The following SPTLC2 variants were observed in gnomAD, a reference collection of about 807,000 sequenced individuals.
The protein encoded by SPTLC2 is serine palmitoyltransferase 2.
In SPTLC2, 21 loss-of-function variants were observed where a neutral mutation model predicts 62.0. That is an observed-to-expected ratio of 0.34 (90% CI 0.24 to 0.49). The LOEUF (loss-of-function observed/expected upper bound fraction) is 0.49. Ranked by LOEUF, SPTLC2 falls within the 20% of genes least tolerant of loss-of-function variation. The probability of loss-of-function intolerance (pLI) is 0.99; values close to 1 mark genes in which losing one functional copy is unlikely to be tolerated. For synonymous variants in SPTLC2, 261 were observed against 261.8 expected (o/e 1.00, Z 0.03); for missense variants, 511 against 713.0 (o/e 0.72, Z 3.23).
intron 9 of SPTLC2, among the ~76,000 whole-genome samples, chr14:77,542,929 T>A (rs1290566687): frequency 6.6e-6 from 1 of 152,172 alleles, no homozygotes; most frequent in Non-Finnish European, 1.5e-5. Context: ...AAAGAATGGT[T>A]GCTAATGCAC....
At chr14:77,549,671 A>C (rs967200704) in intron 9 of SPTLC2, among the ~76,000 whole-genome samples, 1 of 152,226 alleles carries the variant, frequency 6.6e-6, no homozygotes. Flanking sequence ...GACCTGTGGC[A>C]TCTGTGAGCA....
intron 9 of SPTLC2, among the ~76,000 whole-genome samples, chr14:77,538,519 A>G (rs2079482518): frequency 6.6e-6 from 1 of 152,232 alleles, no homozygotes; most frequent in Non-Finnish European, 1.5e-5. Context: ...GAGAGAACTA[A>G]TAATTTCACC....
intron 3 of SPTLC2, among the ~76,000 whole-genome samples, chr14:77,577,758 G>C (rs1271681961): frequency 6.6e-6 from 1 of 152,118 alleles, no homozygotes; most frequent in African/African-American, 2.4e-5. Context: ...AAATTAGCCG[G>C]GTGTGGTGGC....
Position 77,555,412 on chromosome 14 carries a change from G to T in SPTLC2, c.1064C>A (p.Thr355Lys). The change falls in exon 8 of 12, where the codon ACA becomes AAA. Residue 355 changes from threonine (T) to lysine (K), a missense_variant. Coordinates refer to ENST00000216484, the MANE Select transcript of SPTLC2 (RefSeq NM_004863.4). Reference protein sequence around the residue: ...EAHSIGALGPTGRGVVEYFGL... With the variant: ...EAHSIGALGPKGRGVVEYFGL... ...AAAGTACTCCACCACACCCCGGCCT[G>T]TGGGGCCCAGGGCGCCAATGCTGTG... 1 of 1,614,178 alleles carries T rather than the reference G, an allele frequency of 6.2e-7. No individual in the cohort carries two copies.
At chr14:77,598,809 T>A (rs769834796) in intron 1 of SPTLC2, among the ~76,000 whole-genome samples, 45 of 151,746 alleles carry the variant, frequency 3.0e-4, no homozygotes, top group Non-Finnish European at 5.7e-4. Flanking sequence ...TGGTGGCACA[T>A]GCCTGTAGTC....
rs143953057 is a variant in SPTLC2 at position 77,552,640 on chromosome 14, T to C, written c.1177-418A>G. Among the ~76,000 whole-genome samples, 208 of 152,000 alleles carry C rather than the reference T, an allele frequency of 1.4e-3. 1 individual carries two copies. Among genetic ancestry groups the C allele is most frequent in the African/African-American group, 4.8e-3 (198 of 41,476 alleles). The stretch of plus-strand genomic sequence containing the variant: ...GACCAACATGGTGAAACCCCATCTC[T>C]ACTAAAAATACAAAAATCAGCTGTG... On this transcript the variant is annotated intron_variant, in intron 8 of 11. Transcript: ENST00000216484.
At chr14:77,518,375 T>C (rs1374093721) in intron 10 of SPTLC2, among the ~76,000 whole-genome samples, 2 of 152,142 alleles carry the variant, frequency 1.3e-5, no homozygotes, top group African/African-American at 2.4e-5. Flanking sequence ...TCCTATATGG[T>C]GTCCTTCACA....
chr14:77,580,195 G>A (rs909774708), intron 2 of SPTLC2, among the ~76,000 whole-genome samples: 5 of 152,114 alleles, frequency 3.3e-5, no homozygotes, highest in East Asian at 1.9e-4. Flanking sequence ...TATAGGGGCC[G>A]GGTGTGGTAG....
intron 9 of SPTLC2, among the ~76,000 whole-genome samples, chr14:77,539,261 A>G (rs1364985132): frequency 6.6e-6 from 1 of 152,042 alleles, no homozygotes; most frequent in Non-Finnish European, 1.5e-5. Flanking sequence ...TATCCTTTTT[A>G]TCTTCTAGGG....
chr14:77,552,186 C>A lies in SPTLC2; in HGVS notation c.1213G>T (p.Ala405Ser). ...GGTGACAATGACGTGGCATACACTG[C>A]ACTATGAGAATGTGTTCGCAGGTAG... ...IDYLRTHSHS[A>S]VYATSLSPPV... is the part of the protein sequence containing the mutation. The change falls in exon 9 of 12, where the codon GCA becomes TCA. Residue 405 changes from alanine to serine, a missense_variant. By Grantham distance (99) the Ala-to-Ser change is moderately conservative. Coordinates refer to ENST00000216484, the MANE Select transcript of SPTLC2 (RefSeq NM_004863.4). 6.2e-7 allele frequency: 1 copy of A among 1,614,140 alleles called. No homozygotes were observed. The highest frequency in any genetic ancestry group is 8.5e-7 in the Non-Finnish European group (1 of 1,180,032).
rs991848829 is a variant in SPTLC2 at position 77,524,208 on chromosome 14, T to C, written c.1304-2627A>G. On this transcript the variant is annotated intron_variant, in intron 9 of 11. Transcript: ENST00000216484. ...GTATGAATTCGTTTGTATGAAACTC[T>C]AAAAAGACATACTGTAATGACAGAA... Among the ~76,000 whole-genome samples the C allele has an allele frequency of 2.6e-5, 4 of 152,132 alleles. No homozygotes were observed. The East Asian group carries it at 7.7e-4, about 29-fold the overall frequency.
intron 1 of SPTLC2, among the ~76,000 whole-genome samples, chr14:77,597,977 G>C (rs2079857008): frequency 6.6e-6 from 1 of 151,844 alleles, no homozygotes; most frequent in Non-Finnish European, 1.5e-5. Context: ...ACAAAACTAG[G>C]TGGGTGTGGT....
intron 9 of SPTLC2, among the ~76,000 whole-genome samples, chr14:77,546,045 C>A (rs1007950908): frequency 6.6e-5 from 10 of 152,162 alleles, no homozygotes; most frequent in African/African-American, 2.4e-4. Context: ...GGGCTGATTA[C>A]TCACAATTAA....
At chr14:77,525,467 G>C (rs1026564208) in intron 9 of SPTLC2, among the ~76,000 whole-genome samples, 5 of 152,082 alleles carry the variant, frequency 3.3e-5, no homozygotes, top group Non-Finnish European at 7.4e-5. Flanking sequence ...GTGCATGCCT[G>C]TAATCCCAGC....
At chr14:77,554,078 A>G (rs1254153144) in intron 8 of SPTLC2, among the ~76,000 whole-genome samples, 2 of 152,178 alleles carry the variant, frequency 1.3e-5, no homozygotes, top group Non-Finnish European at 2.9e-5. Flanking sequence ...TCAGCCTCTC[A>G]AAGTGCTGGG....
intron 4 of SPTLC2, among the ~76,000 whole-genome samples, chr14:77,574,556 A>G (rs980098292): frequency 1.7e-4 from 26 of 152,246 alleles, no homozygotes; most frequent in Admixed American, 1.6e-3. Context: ...CGTTCACAGC[A>G]GCACTGCTGA....
chr14:77,565,927 TA>T (rs1400695599), intron 5 of SPTLC2, among the ~76,000 whole-genome samples: 1 of 152,168 alleles, frequency 6.6e-6, no homozygotes, highest in Non-Finnish European at 1.5e-5. Context: ...AAGTCTAAAT[TA>T]AAGTTTCAAA....
intron 1 of SPTLC2, among the ~76,000 whole-genome samples, chr14:77,598,021 C>T (rs1172266061): frequency 6.7e-6 from 1 of 150,280 alleles, no homozygotes; most frequent in Non-Finnish European, 1.5e-5. Context: ...ATTCAGGAGG[C>T]TGAGGCAGGA....
intron 2 of SPTLC2, among the ~76,000 whole-genome samples, chr14:77,586,338 A>T (rs10400797): frequency 6.6e-6 from 1 of 151,894 alleles, no homozygotes; most frequent in Admixed American, 6.6e-5. Flanking sequence ...GGCCTCCCAA[A>T]GTGTTGGGAT....
Sources: gnomAD v4.1 joint callset for allele counts (sites outside exome capture counted in the v4.1 genomes callset) on GRCh38, gnomAD v4.1.1 for gene constraint, MANE v1.5 for transcripts, NCBI Gene and HGNC (gene_info 2026-07-23, HGNC 2026-07-21) for gene names.